The following ASTN2 variants were observed in gnomAD, a reference collection of about 807,000 sequenced individuals.
ASTN2 encodes astrotactin 2.
A neutral mutation model predicts 139.8 loss-of-function variants in ASTN2; 54 were observed. The observed-to-expected ratio is 0.39, with a 90% CI of 0.31 to 0.48. ASTN2 has a LOEUF of 0.48. ASTN2 is among the 20% of genes least tolerant of loss of function. The pLI, the probability that ASTN2 is intolerant of heterozygous loss-of-function variation, is 0.95. For synonymous variants in ASTN2, 756 were observed against 719.5 expected (o/e 1.05, Z -0.81); for missense variants, 1,565 against 1,725.1 (o/e 0.91, Z 1.64).
intron 3 of ASTN2, among the ~76,000 whole-genome samples, chr9:117,203,452 T>C (rs1353300791): frequency 6.6e-6 from 1 of 152,112 alleles, no homozygotes; most frequent in African/African-American, 2.4e-5. Flanking sequence ...TTTTCATTGA[T>C]TATTTCTCAT....
intron 6 of ASTN2, among the ~76,000 whole-genome samples, chr9:117,034,210 G>A (rs1345865729): frequency 2.6e-5 from 4 of 152,116 alleles, no homozygotes; most frequent in Non-Finnish European, 5.9e-5. Context: ...TGACCACATT[G>A]GGTGAATATA....
intron 13 of ASTN2, among the ~76,000 whole-genome samples, chr9:116,749,629 A>G (rs1159995901): frequency 6.6e-6 from 1 of 152,132 alleles, no homozygotes; most frequent in Non-Finnish European, 1.5e-5. Context: ...GGGGGCAGGA[A>G]CTAACTGATA....
At chr9:116,906,092 C>T (rs1002973055) in intron 10 of ASTN2, among the ~76,000 whole-genome samples, 55 of 152,090 alleles carry the variant, frequency 3.6e-4, no homozygotes, top group African/African-American at 1.2e-3. Flanking sequence ...CTGTGCCTCA[C>T]GCTCAGTGCT....
intron 1 of ASTN2, among the ~76,000 whole-genome samples, chr9:117,400,513 T>G (rs937423275): frequency 6.6e-6 from 1 of 152,184 alleles, no homozygotes; most frequent in Non-Finnish European, 1.5e-5. Flanking sequence ...ACCCTGCCAT[T>G]GGCAGACCAG....
chr9:116,598,543 CT>C (rs1237665835), intron 19 of ASTN2, among the ~76,000 whole-genome samples: 2 of 152,184 alleles, frequency 1.3e-5, no homozygotes, highest in Admixed American at 6.5e-5. Context: ...TCCACAATTG[CT>C]TTTGAACCAA....
intron 17 of ASTN2, among the ~76,000 whole-genome samples, chr9:116,622,722 T>G (rs1856226200): frequency 6.6e-6 from 1 of 152,230 alleles, no homozygotes; most frequent in Non-Finnish European, 1.5e-5. Context: ...GGTGCTCAGT[T>G]AAATTCAAAT....
At chr9:116,818,813 T>C (rs942391385) in intron 12 of ASTN2, among the ~76,000 whole-genome samples, 1 of 152,178 alleles carries the variant, frequency 6.6e-6, no homozygotes, top group African/African-American at 2.4e-5. Context: ...TATCCCTGTT[T>C]TACAGATGAG....
chr9:116,851,886 T>A (rs762491089), intron 11 of ASTN2, among the ~76,000 whole-genome samples: 1 of 152,124 alleles, frequency 6.6e-6, no homozygotes, highest in Non-Finnish European at 1.5e-5. Flanking sequence ...CTGCAGTGTC[T>A]TCCCCCTCTG....
At chr9:117,242,779 TG>T (rs1159605330) in intron 2 of ASTN2, among the ~76,000 whole-genome samples, 1 of 152,190 alleles carries the variant, frequency 6.6e-6, no homozygotes, top group Non-Finnish European at 1.5e-5. Context: ...CACTGGTGTG[TG>T]GAACCAATCA....
At chr9:116,605,396 A>G (rs2131775816) in intron 19 of ASTN2, among the ~76,000 whole-genome samples, 1 of 152,320 alleles carries the variant, frequency 6.6e-6, no homozygotes, top group East Asian at 1.9e-4. Context: ...TGAGAATCCC[A>G]TGAAGAAAAA....
At chr9:116,923,661 T>C (rs1834675110) in intron 10 of ASTN2, among the ~76,000 whole-genome samples, 1 of 152,208 alleles carries the variant, frequency 6.6e-6, no homozygotes, top group African/African-American at 2.4e-5. Context: ...GATGAGTGGT[T>C]GTTCTGCATT....
intron 4 of ASTN2, among the ~76,000 whole-genome samples, chr9:117,115,358 A>G (rs1451632078): frequency 6.6e-6 from 1 of 151,994 alleles, no homozygotes; most frequent in African/African-American, 2.4e-5. Context: ...CTCTACTAAA[A>G]GTACAAAAGT....
intron 2 of ASTN2, among the ~76,000 whole-genome samples, chr9:117,276,450 C>A (rs1056602406): frequency 1.1e-4 from 17 of 152,310 alleles, no homozygotes; most frequent in African/African-American, 4.1e-4. Context: ...TCATCTCCCC[C>A]CAGACAGCCT....
At chr9:117,040,074 A>G (rs1838510704) in intron 5 of ASTN2, 109 bp from the exon 6 acceptor site, 2 of 1,269,848 alleles carry the variant, frequency 1.6e-6, no homozygotes, top group African/African-American at 3.0e-5. Flanking sequence ...CTGAAAAAAG[A>G]AAAGAAAAGA....
At chr9:117,313,921 T>C (rs1168681438) in intron 1 of ASTN2, among the ~76,000 whole-genome samples, 1 of 152,186 alleles carries the variant, frequency 6.6e-6, no homozygotes, top group Non-Finnish European at 1.5e-5. Flanking sequence ...CCCTTTGTAC[T>C]TTGACACTTA....
chr9:116,769,331 T>G (rs555938714), intron 13 of ASTN2, among the ~76,000 whole-genome samples: 1 of 152,166 alleles, frequency 6.6e-6, no homozygotes, highest in Non-Finnish European at 1.5e-5. Flanking sequence ...GGAGAAGCAG[T>G]GACTGTGAGT....
intron 1 of ASTN2, among the ~76,000 whole-genome samples, chr9:117,331,735 T>G (rs1393570785): frequency 1.3e-5 from 2 of 152,178 alleles, no homozygotes; most frequent in Non-Finnish European, 2.9e-5. Context: ...TTGTGAAGAT[T>G]AAAACAAAAG....
rs1830315801 is a variant in ASTN2 at position 117,151,044 on chromosome 9, A to G, written c.1016-9566T>C. Among the ~76,000 whole-genome samples the G allele has an allele frequency of 3.3e-5, 5 of 152,096 alleles. No individual in the cohort carries two copies. The South Asian group carries it at 1.0e-3, about 32-fold the overall frequency. Reference sequence around the variant, plus strand: ...TATTGTGCCAAGAAAACATTTTTAAAAAGAGATGGAGTCTCCCTACGTTGC... The same window carrying G: ...TATTGTGCCAAGAAAACATTTTTAAGAAGAGATGGAGTCTCCCTACGTTGC... On this transcript the variant is annotated intron_variant, in intron 3 of 22. Transcript: ENST00000313400.
intron 10 of ASTN2, among the ~76,000 whole-genome samples, chr9:116,970,001 C>T (rs1471689155): frequency 6.6e-6 from 1 of 152,184 alleles, no homozygotes; most frequent in South Asian, 2.1e-4. Context: ...CTTTTCTTTG[C>T]CTCTTTCAGC....
Sources: allele counts gnomAD v4.1 joint callset (sites outside exome capture counted in the v4.1 genomes callset), GRCh38; gene constraint gnomAD v4.1.1; transcripts MANE v1.5; gene names NCBI Gene and HGNC (gene_info 2026-07-23, HGNC 2026-07-21).